Variants in NCALD observed in about 807,000 individuals in gnomAD.
NCALD encodes neurocalcin-delta.
NCALD carries 10 observed loss-of-function variants against 18.6 expected under a neutral mutation model. The ratio of observed to expected loss-of-function variants is 0.54; its 90% CI spans 0.33 to 0.91. The LOEUF (loss-of-function observed/expected upper bound fraction) is 0.91. NCALD is among the 40% of genes least tolerant of loss of function. The pLI, the probability that NCALD is intolerant of heterozygous loss-of-function variation, is 0.03. For synonymous variants in NCALD, 88 were observed against 87.4 expected (o/e 1.01, Z -0.04); for missense variants, 184 against 247.6 (o/e 0.74, Z 1.72).
intron 2 of NCALD, among the ~76,000 whole-genome samples, chr8:101,999,602 G>A (rs895506601): frequency 6.6e-6 from 1 of 151,902 alleles, no homozygotes; most frequent in Non-Finnish European, 1.5e-5. Flanking sequence ...CAAAATCTCA[G>A]AAATCACCAC....
At chr8:102,030,192 G>T (rs1342298173) in intron 1 of NCALD, among the ~76,000 whole-genome samples, 2 of 152,212 alleles carry the variant, frequency 1.3e-5, no homozygotes, top group Non-Finnish European at 2.9e-5. Context: ...CCTTTCTATA[G>T]AGGGTGTGCC....
chr8:101,933,802 T>C (rs1818661256), intron 2 of NCALD, among the ~76,000 whole-genome samples: 1 of 152,046 alleles, frequency 6.6e-6, no homozygotes, highest in African/African-American at 2.4e-5. Context: ...AGCAATGGGA[T>C]AGGATGTGCA....
At chr8:101,729,556 A>C (rs1314113792) in intron 1 of NCALD, among the ~76,000 whole-genome samples, 1 of 152,088 alleles carries the variant, frequency 6.6e-6, no homozygotes, top group Non-Finnish European at 1.5e-5. Context: ...TGGGGTTCCC[A>C]GCCACACACC....
intron 1 of NCALD, among the ~76,000 whole-genome samples, chr8:101,740,616 T>G (rs1243740196): frequency 6.6e-6 from 1 of 152,206 alleles, no homozygotes; most frequent in Non-Finnish European, 1.5e-5. Context: ...ACTATTTCCA[T>G]GTCTTGTTAA....
chr8:101,970,868 G>T (rs1013939141), intron 2 of NCALD, among the ~76,000 whole-genome samples: 31 of 152,138 alleles, frequency 2.0e-4, no homozygotes, highest in African/African-American at 7.5e-4. Flanking sequence ...TATTGTTGTG[G>T]CAATGCTGCA....
intron 3 of NCALD, among the ~76,000 whole-genome samples, chr8:101,896,548 CA>C: frequency 6.6e-6 from 1 of 151,828 alleles, no homozygotes. Flanking sequence ...TTCTGCACAG[CA>C]AAAGAAACTA....
chr8:101,866,495 T>C (rs1455878991), intron 4 of NCALD, among the ~76,000 whole-genome samples: 1 of 152,222 alleles, frequency 6.6e-6, no homozygotes. Context: ...CTACTTTGCA[T>C]GTCTAATAGA....
chr8:102,080,116 C>T (rs1000824479), intron 1 of NCALD, among the ~76,000 whole-genome samples: 1 of 152,136 alleles, frequency 6.6e-6, no homozygotes, highest in Non-Finnish European at 1.5e-5. Context: ...AAAAAATCCG[C>T]CCAAGGAAAT....
chr8:101,852,276 T>C (rs562013850), intron 4 of NCALD, among the ~76,000 whole-genome samples: 1 of 152,328 alleles, frequency 6.6e-6, no homozygotes, highest in South Asian at 2.1e-4. Flanking sequence ...TGATACACTG[T>C]ACTATGTTCT....
chr8:101,794,960 A>G (rs1224902514), upstream of NCALD, among the ~76,000 whole-genome samples: 3 of 152,226 alleles, frequency 2.0e-5, no homozygotes, highest in African/African-American at 4.8e-5. Context: ...TTGGAACTCT[A>G]AAGATCTTAA....
intron 1 of NCALD, among the ~76,000 whole-genome samples, chr8:102,082,061 A>G (rs1173501353): frequency 6.6e-6 from 1 of 152,040 alleles, no homozygotes; most frequent in East Asian, 1.9e-4. Context: ...TTCCACAAGG[A>G]TACTCATTAA....
intron 1 of NCALD, among the ~76,000 whole-genome samples, chr8:102,027,199 T>C (rs1822489247): frequency 6.6e-6 from 1 of 152,244 alleles, no homozygotes; most frequent in African/African-American, 2.4e-5. Context: ...TCGTTACTTA[T>C]GCGAATTTCT....
intron 3 of NCALD, among the ~76,000 whole-genome samples, chr8:101,890,825 T>A (rs1307711849): frequency 6.6e-6 from 1 of 152,214 alleles, no homozygotes; most frequent in Non-Finnish European, 1.5e-5. Flanking sequence ...AGAGAAACTC[T>A]TGCACACTTT....
chr8:101,844,894 C>T (rs1363326950), intron 4 of NCALD, among the ~76,000 whole-genome samples: 1 of 152,228 alleles, frequency 6.6e-6, no homozygotes, highest in Non-Finnish European at 1.5e-5. Context: ...TACTTCCACA[C>T]ATACTGTCCC....
At chr8:101,865,337 G>A (rs1815725293) in intron 4 of NCALD, among the ~76,000 whole-genome samples, 1 of 152,176 alleles carries the variant, frequency 6.6e-6, no homozygotes, top group Non-Finnish European at 1.5e-5. Context: ...CTGAGTTTGT[G>A]TTTAGGAGGA....
At chr8:101,830,548 C>CAA (rs71268534) in intron 4 of NCALD, among the ~76,000 whole-genome samples, 54 of 141,232 alleles carry the variant, frequency 3.8e-4, no homozygotes, top group Non-Finnish European at 4.9e-4. Flanking sequence ...GACTCCGTCT[C>CAA]AAAAAAAAAA....
intron 4 of NCALD, among the ~76,000 whole-genome samples, chr8:101,854,145 A>C (rs971286563): frequency 5.9e-5 from 9 of 152,180 alleles, no homozygotes; most frequent in African/African-American, 1.9e-4. Context: ...GAAAGGAGAG[A>C]GTATTCCCTT....
At chr8:101,848,047 G>A (rs1258726246) in intron 4 of NCALD, among the ~76,000 whole-genome samples, 3 of 152,152 alleles carry the variant, frequency 2.0e-5, no homozygotes, top group Non-Finnish European at 1.5e-5. Context: ...GACTTTGGGG[G>A]TTGAATGAGG....
chr8:102,062,529 C>T lies in NCALD; in HGVS notation c.-209-42240G>A, dbSNP rs138474351. On this transcript the variant is annotated intron_variant, in intron 1 of 6. Transcript: ENST00000311028. ...TCAGTAAATCCTGTGCTCACATGCT[C>T]CAGGGTGCGGCTACCTCATCAATCA... Among the ~76,000 whole-genome samples the T allele has an allele frequency of 1.5e-3, 224 of 152,296 alleles. 2 individuals carry two copies. The highest frequency in any genetic ancestry group is 5.1e-3 in the African/African-American group (211 of 41,558).
Sources: allele counts gnomAD v4.1 joint callset (sites outside exome capture counted in the v4.1 genomes callset), GRCh38; gene constraint gnomAD v4.1.1; transcripts MANE v1.5; gene names NCBI Gene and HGNC (gene_info 2026-07-23, HGNC 2026-07-21).